TCTN3: variants seen among roughly 807,000 people sequenced by gnomAD.
TCTN3 encodes tectonic family member 3.
TCTN3 carries 57 observed loss-of-function variants against 71.3 expected under a neutral mutation model. The ratio of observed to expected loss-of-function variants is 0.80; its 90% CI spans 0.65 to 1.00. The LOEUF (loss-of-function observed/expected upper bound fraction) is 1.00. Among genes scored for constraint, TCTN3 ranks in the 50% least tolerant of loss-of-function variants. The probability of loss-of-function intolerance (pLI) is 0.00; values close to 1 mark genes in which losing one functional copy is unlikely to be tolerated. For synonymous variants in TCTN3, 258 were observed against 267.8 expected, an observed-to-expected ratio of 0.96 and a Z score of 0.36; for missense variants, 696 against 719.9, an observed-to-expected ratio of 0.97 and a Z score of 0.38.
chr10:95,686,306 C>T (rs1254261788), intron 7 of TCTN3, among the ~76,000 whole-genome samples, 189 bp downstream of exon 7: 3 of 152,212 alleles, frequency 2.0e-5, no homozygotes, highest in African/African-American at 7.2e-5. Context: ...CCTTATGGAT[C>T]CTGGTTTCAT....
chr10:95,680,186 G>C (rs1385138625), intron 13 of TCTN3, among the ~76,000 whole-genome samples: 1 of 152,156 alleles, frequency 6.6e-6, no homozygotes, highest in Non-Finnish European at 1.5e-5. Flanking sequence ...GAATCAATCA[G>C]AATAGTAATA....
chr10:95,684,128 C>T (rs11188433), intron 9 of TCTN3, among the ~76,000 whole-genome samples: 32,252 of 152,054 alleles, frequency 0.21, 3,590 homozygotes, highest in Middle Eastern at 0.25. Context: ...AGTGAACACT[C>T]AGATTAAGTG....
chr10:95,667,757 A>C (rs1441773875), intron 13 of TCTN3, among the ~76,000 whole-genome samples: 1 of 152,216 alleles, frequency 6.6e-6, no homozygotes, highest in Non-Finnish European at 1.5e-5. Flanking sequence ...TTCAGTCAGG[A>C]GACTAGAGTT....
At chr10:95,690,748 T>A (rs2139758216) in intron 3 of TCTN3, among the ~76,000 whole-genome samples, 1 of 152,282 alleles carries the variant, frequency 6.6e-6, no homozygotes, top group East Asian at 1.9e-4. Context: ...TGGAGGTTTC[T>A]CAGTAAGGAA....
In TCTN3 at chr10:95,680,564, T is replaced by A; in HGVS notation, c.1498A>T (p.Ile500Phe). Reference protein sequence around the residue: ...SCCLIPVSLEIQVLWAYVGLL... With the variant: ...SCCLIPVSLEFQVLWAYVGLL... ...CCTACATATGCCCACAATACCTGGA[T>A]CTCCAGGGAAACTGGTATGAGACAG... is the stretch of plus-strand genomic sequence containing the variant. The change falls in exon 13 of 14, where the codon ATC becomes TTC. Residue 500 changes from isoleucine to phenylalanine, a missense_variant. Coordinates refer to ENST00000371217, the MANE Select transcript of TCTN3 (RefSeq NM_015631.6). The A allele has an allele frequency of 6.2e-7, 1 of 1,614,118 alleles. No individual in the cohort carries two copies. The highest frequency in any genetic ancestry group is 8.5e-7 in the Non-Finnish European group (1 of 1,180,020).
chr10:95,664,309 A>C lies in TCTN3; in HGVS notation c.1591-9T>G, dbSNP rs1317879597. The C allele has an allele frequency of 2.8e-5, 45 of 1,613,120 alleles. No homozygotes were observed. The highest frequency in any genetic ancestry group is 3.8e-5 in the Non-Finnish European group (45 of 1,179,206). The stretch of plus-strand genomic sequence containing the variant: ...GTAACTTGCTGAGAATCCTACGGGA[A>C]GAAAGTCAATGACAGGTCAGCGCTT... On this transcript the variant is annotated splice_polypyrimidine_tract_variant and intron_variant, in intron 13 of 13. Transcript: ENST00000371217.
In TCTN3 at chr10:95,671,252, T is replaced by A. The variant is rs115521657; in HGVS notation, c.1591-6952A>T. 9.1e-3 allele frequency among the ~76,000 whole-genome samples: 1,385 copies of A among 152,360 alleles called. 25 individuals carry two copies. The highest frequency in any genetic ancestry group is 0.031 in the African/African-American group (1,287 of 41,586). On this transcript the variant is annotated intron_variant, in intron 13 of 13. Coordinates refer to ENST00000371217, the MANE Select transcript of TCTN3 (RefSeq NM_015631.6). ...ATTTACTGTGGGTCCAGTTCTGTTA[T>A]GTATGGTTGACTTAATTTATTTCTA...
chr10:95,692,324 T>C (rs1180044756), intron 3 of TCTN3, among the ~76,000 whole-genome samples: 1 of 151,916 alleles, frequency 6.6e-6, no homozygotes, highest in Non-Finnish European at 1.5e-5. Context: ...TGGCCAACAT[T>C]GCAAAACCCC....
chr10:95,684,587 A>G lies in TCTN3; in HGVS notation c.1007T>C (p.Ile336Thr), dbSNP rs2097946458. Residue 336 changes from isoleucine to threonine, a missense_variant, in exon 9 of 14, where the codon ATC becomes ACC. Physicochemically the swap from Ile to Thr is moderately conservative, Grantham distance 89 (BLOSUM62 -1). Coordinates refer to ENST00000371217, the MANE Select transcript of TCTN3 (RefSeq NM_015631.6). ...TCCCAAACTGACAGAAACTTTCTGG[A>G]TTCCAAAAGTCCCATTGGTCTCTAT... is the stretch of plus-strand genomic sequence containing the variant. ...YEIETNGTFG[I>T]QKVSVSLGQT... 6.2e-7 allele frequency: 1 copy of G among 1,613,944 alleles called. No individual in the cohort carries two copies. Among genetic ancestry groups the G allele is most frequent in the Non-Finnish European group, 8.5e-7 (1 of 1,179,934 alleles).
In TCTN3 at chr10:95,693,889, G is replaced by A. The variant is rs1399269953; in HGVS notation, c.11C>T (p.Pro4Leu). The part of the protein sequence containing the change: MRT[P>L]QLALLQVFFL... ...GAACACTTGCAGGAGCGCGAGCTGTGGGGTGCGCATGGGGCATTCAGGGCC... is the reference window on the plus strand; with the variant it reads ...GAACACTTGCAGGAGCGCGAGCTGTAGGGTGCGCATGGGGCATTCAGGGCC... The change falls in exon 1 of 14, where the codon CCA (proline) becomes CTA (leucine). Residue 4 changes from proline (P) to leucine (L), a missense_variant. Coordinates refer to ENST00000371217, the MANE Select transcript of TCTN3 (RefSeq NM_015631.6). The A allele has an allele frequency of 2.6e-6, 4 of 1,551,536 alleles. No individual in the cohort carries two copies. The highest frequency in any genetic ancestry group is 2.4e-5 in the East Asian group (1 of 40,936).
chr10:95,674,726 ACAAT>A (rs1195277094), intron 13 of TCTN3, among the ~76,000 whole-genome samples: 9 of 152,208 alleles, frequency 5.9e-5, no homozygotes, highest in Non-Finnish European at 1.3e-4. Flanking sequence ...TTAATTTAAC[ACAAT>A]CAGATATGGT....
chr10:95,664,044 G>A lies in TCTN3; in HGVS notation c.*23C>T. The A allele has an allele frequency of 6.2e-7, 1 of 1,608,238 alleles. No individual in the cohort carries two copies. The highest frequency in any genetic ancestry group is 1.7e-5 in the Admixed American group (1 of 59,900). ...CTCAGAGTTTCTCATAGGGAAAACT[G>A]AAATCTGATTATTTTCTTTTCTTCA... On this transcript the variant is annotated 3_prime_UTR_variant, in exon 14 of 14. Transcript: ENST00000371217.
At chr10:95,682,566 G>C (rs1239278462) in intron 12 of TCTN3, 85 bp downstream of exon 12, 2 of 1,465,836 alleles carry the variant, frequency 1.4e-6, no homozygotes, top group East Asian at 2.3e-5. Flanking sequence ...TATCTATGGA[G>C]ACAAGGCTGG....
At chr10:95,688,346 C>T (rs182837533) in intron 3 of TCTN3, among the ~76,000 whole-genome samples, 85 of 142,210 alleles carry the variant, frequency 6.0e-4, no homozygotes, top group Non-Finnish European at 9.0e-4. Flanking sequence ...GCCGAGGTCG[C>T]ACCACTGCAC....
intron 12 of TCTN3, among the ~76,000 whole-genome samples, chr10:95,681,082 CT>C (rs879677336): frequency 3.3e-4 from 46 of 138,936 alleles, no homozygotes; most frequent in Middle Eastern, 4.8e-3. Flanking sequence ...GACCTCTGAT[CT>C]TTTTTTTTTT....
intron 7 of TCTN3, 138 bp downstream of exon 7, chr10:95,686,357 C>T (rs547029012): frequency 1.7e-5 from 15 of 866,914 alleles, no homozygotes; most frequent in Non-Finnish European, 2.7e-5. Flanking sequence ...GCAAAGGCAC[C>T]GTTTTAGATC....
At chr10:95,682,493 C>CA (rs376491636) in intron 12 of TCTN3, among the ~76,000 whole-genome samples, 158 bp downstream of exon 12, 35 of 139,738 alleles carry the variant, frequency 2.5e-4, no homozygotes, top group South Asian at 6.9e-4. Flanking sequence ...GACTCCATCT[C>CA]AAAAAAAAAA....
At position 95,680,572 on chromosome 10, in the gene TCTN3, G is replaced by T. The variant is rs139612049; in HGVS notation, c.1490C>A (p.Ser497Tyr). The T allele has an allele frequency of 6.2e-7, 1 of 1,613,994 alleles. No homozygotes were observed. Among genetic ancestry groups the T allele is most frequent in the African/African-American group, 1.3e-5 (1 of 74,902 alleles). The change falls in exon 13 of 14, where the codon TCC (serine) becomes TAC (tyrosine). Residue 497 changes from serine (S) to tyrosine (Y), a missense_variant. Coordinates refer to ENST00000371217, the MANE Select transcript of TCTN3 (RefSeq NM_015631.6). ...TGCCCACAATACCTGGATCTCCAGG[G>T]AAACTGGTATGAGACAGCAGGAAGT... ...NCTSCCLIPVSLEIQVLWAYV... is the reference protein window; with the variant it reads ...NCTSCCLIPVYLEIQVLWAYV...
chr10:95,683,120 T>C lies in TCTN3; in HGVS notation c.1279A>G (p.Ile427Val), dbSNP rs142986132. 5.6e-6 allele frequency: 9 copies of C among 1,614,034 alleles called. No homozygotes were observed. The South Asian group carries it at 7.7e-5, about 14-fold the overall frequency. The change falls in exon 11 of 14, where the codon ATA becomes GTA. Residue 427 changes from isoleucine (I) to valine (V), a missense_variant. By Grantham distance (29) the Ile-to-Val change is conservative. Transcript: ENST00000371217. ...RHEVQFGVNAISGCKLRLKKA... is the reference protein window; with the variant it reads ...RHEVQFGVNAVSGCKLRLKKA... ...AACTACCTGAGCTTGCATCCAGATA[T>C]TGCATTCACTCCAAACTGCACTTCA...
Sources: gnomAD v4.1 joint callset for allele counts (sites outside exome capture counted in the v4.1 genomes callset) on GRCh38, gnomAD v4.1.1 for gene constraint, MANE v1.5 for transcripts, NCBI Gene and HGNC (gene_info 2026-07-23, HGNC 2026-07-21) for gene names.